NDUFS4: variants seen among roughly 807,000 people sequenced by gnomAD.
The protein encoded by NDUFS4 is NADH:ubiquinone oxidoreductase subunit S4, also known as NADH dehydrogenase [ubiquinone] iron-sulfur protein 4, mitochondrial.
A neutral mutation model predicts 24.3 loss-of-function variants in NDUFS4; 28 were observed. The observed-to-expected ratio is 1.15, with a 90% CI of 0.85 to 1.58. The LOEUF (loss-of-function observed/expected upper bound fraction) is 1.58. Among genes scored for constraint, NDUFS4 ranks in the 40% most tolerant of loss-of-function variants. NDUFS4 has a pLI of 0.00. For synonymous variants in NDUFS4, 93 were observed against 69.7 expected (o/e 1.34, Z -1.67); for missense variants, 223 against 207.9 (o/e 1.07, Z -0.45).
intron 2 of NDUFS4, among the ~76,000 whole-genome samples, chr5:53,634,737 T>C (rs542535113): frequency 6.6e-6 from 1 of 152,224 alleles, no homozygotes; most frequent in African/African-American, 2.4e-5. Context: ...TACAGGCATA[T>C]GCCACCTTAT....
At chr5:53,613,821 G>A (rs1355848489) in intron 2 of NDUFS4, among the ~76,000 whole-genome samples, 1 of 151,922 alleles carries the variant, frequency 6.6e-6, no homozygotes, top group African/African-American at 2.4e-5. Context: ...ATGTGTGTAT[G>A]TAGGAGAGAT....
chr5:53,651,774 CTT>C (rs34235265), intron 3 of NDUFS4, among the ~76,000 whole-genome samples: 121 of 118,020 alleles, frequency 1.0e-3, no homozygotes, highest in Non-Finnish European at 1.4e-3. Flanking sequence ...TAACTTTATT[CTT>C]TTTTTTTTTT....
intron 4 of NDUFS4, among the ~76,000 whole-genome samples, chr5:53,668,726 G>T (rs1752588376): frequency 1.3e-5 from 2 of 151,310 alleles, no homozygotes; most frequent in Admixed American, 1.3e-4. Flanking sequence ...CTCCCAAAGT[G>T]CTGCAATTAC....
chr5:53,592,773 T>C (rs1453067520), intron 1 of NDUFS4, among the ~76,000 whole-genome samples: 1 of 152,210 alleles, frequency 6.6e-6, no homozygotes, highest in Non-Finnish European at 1.5e-5. Flanking sequence ...ACTATAGCTG[T>C]GCAGTGTGTA....
intron 4 of NDUFS4, among the ~76,000 whole-genome samples, chr5:53,672,234 CAAAA>C (rs879689009): frequency 2.1e-5 from 3 of 140,610 alleles, no homozygotes; most frequent in African/African-American, 7.8e-5. Context: ...AAAAACAAAA[CAAAA>C]AAAAAAACTT....
At chr5:53,589,587 G>A (rs1232377556) in intron 1 of NDUFS4, among the ~76,000 whole-genome samples, 4 of 152,114 alleles carry the variant, frequency 2.6e-5, no homozygotes, top group African/African-American at 4.8e-5. Context: ...CTCAAAATAC[G>A]ATTAGAAGGA....
intron 4 of NDUFS4, among the ~76,000 whole-genome samples, chr5:53,661,009 A>T (rs1459551511): frequency 6.6e-6 from 1 of 152,020 alleles, no homozygotes; most frequent in African/African-American, 2.4e-5. Flanking sequence ...GTTTGATTAG[A>T]TCCCATTTGT....
At chr5:53,630,004 A>G (rs1169516187) in intron 2 of NDUFS4, among the ~76,000 whole-genome samples, 2 of 152,132 alleles carry the variant, frequency 1.3e-5, no homozygotes, top group Admixed American at 1.3e-4. Flanking sequence ...ATGTTTTTGC[A>G]GTGTCTGGTA....
chr5:53,596,084 T>C (rs1258156780), intron 1 of NDUFS4, among the ~76,000 whole-genome samples: 4 of 152,112 alleles, frequency 2.6e-5, no homozygotes, highest in African/African-American at 9.7e-5. Context: ...AAACAAAGCA[T>C]TTGTGGGTTC....
At chr5:53,584,230 A>G (rs976028855) in intron 1 of NDUFS4, among the ~76,000 whole-genome samples, 2 of 152,246 alleles carry the variant, frequency 1.3e-5, no homozygotes, top group Admixed American at 6.5e-5. Flanking sequence ...AAAGCAAGTT[A>G]TTATTGGGTT....
In NDUFS4 at chr5:53,631,570, G is replaced by A. The variant is rs1414954499; in HGVS notation, c.178-14663G>A. Among the ~76,000 whole-genome samples the A allele has an allele frequency of 1.3e-5, 2 of 152,150 alleles. 1 individual carries two copies. The highest frequency in any genetic ancestry group is 3.9e-4 in the East Asian group (2 of 5,186). On this transcript the variant is annotated intron_variant, in intron 2 of 4. Transcript: ENST00000296684. Reference sequence around the variant, plus strand: ...GACTGGGGCTGCTTGCCTTTTGTTCGGTGATGCCCTGCCCATAGAGGTGGA... The same window carrying A: ...GACTGGGGCTGCTTGCCTTTTGTTCAGTGATGCCCTGCCCATAGAGGTGGA...
At chr5:53,680,864 C>G (rs923735508) in intron 4 of NDUFS4, among the ~76,000 whole-genome samples, 2 of 151,832 alleles carry the variant, frequency 1.3e-5, no homozygotes, top group African/African-American at 4.8e-5. Context: ...AAATACATTT[C>G]AAGCACTCAG....
intron 4 of NDUFS4, among the ~76,000 whole-genome samples, chr5:53,665,031 A>G (rs1238284567): frequency 6.6e-6 from 1 of 152,046 alleles, no homozygotes; most frequent in Non-Finnish European, 1.5e-5. Flanking sequence ...TCTGTTTGTT[A>G]GTTTTCCTTC....
intron 3 of NDUFS4, among the ~76,000 whole-genome samples, chr5:53,650,229 G>A (rs1751979123): frequency 6.6e-6 from 1 of 152,106 alleles, no homozygotes; most frequent in Non-Finnish European, 1.5e-5. Flanking sequence ...CTAAATTGTT[G>A]ATGAGTAAAA....
At chr5:53,638,950 A>AT (rs557952056) in intron 2 of NDUFS4, among the ~76,000 whole-genome samples, 2 of 152,100 alleles carry the variant, frequency 1.3e-5, no homozygotes, top group African/African-American at 4.8e-5. Context: ...ATGAGATAAG[A>AT]TTTTTTTCCC....
chr5:53,651,664 A>AT (rs1176264828), intron 3 of NDUFS4, among the ~76,000 whole-genome samples: 1 of 151,968 alleles, frequency 6.6e-6, no homozygotes, highest in Non-Finnish European at 1.5e-5. Flanking sequence ...TCAAAGAATG[A>AT]TTTTAGGATG....
intron 4 of NDUFS4, among the ~76,000 whole-genome samples, chr5:53,661,193 G>T (rs1752332084): frequency 6.6e-6 from 1 of 152,130 alleles, no homozygotes; most frequent in Non-Finnish European, 1.5e-5. Flanking sequence ...TGTAAGGAAG[G>T]GATCCAGTTT....
At chr5:53,638,369 A>C (rs889296142) in intron 2 of NDUFS4, among the ~76,000 whole-genome samples, 16 of 152,148 alleles carry the variant, frequency 1.1e-4, no homozygotes, top group Non-Finnish European at 2.2e-4. Flanking sequence ...GAAGTAAAAA[A>C]TGTCAAAAGG....
At chr5:53,574,142 C>T (rs1206893025) in intron 1 of NDUFS4, among the ~76,000 whole-genome samples, 1 of 152,146 alleles carries the variant, frequency 6.6e-6, no homozygotes, top group Non-Finnish European at 1.5e-5. Flanking sequence ...ATGGTAACAG[C>T]AGACATTCTT....
Sources: allele counts gnomAD v4.1 joint callset (sites outside exome capture counted in the v4.1 genomes callset), GRCh38; gene constraint gnomAD v4.1.1; transcripts MANE v1.5; gene names NCBI Gene and HGNC (gene_info 2026-07-23, HGNC 2026-07-21).